NMNAT2: variants seen among roughly 807,000 people sequenced by gnomAD.
The protein encoded by NMNAT2 is nicotinamide nucleotide adenylyltransferase 2.
NMNAT2 carries 11 observed loss-of-function variants against 41.6 expected under a neutral mutation model. The observed-to-expected ratio is 0.26, with a 90% confidence interval of 0.17 to 0.44. The LOEUF is 0.44. NMNAT2 is among the 20% of genes least tolerant of loss of function. The pLI is 1.00. For synonymous variants in NMNAT2, 148 were observed against 151.2 expected (o/e 0.98, Z 0.16); for missense variants, 288 against 407.7 (o/e 0.71, Z 2.53).
intron 8 of NMNAT2, among the ~76,000 whole-genome samples, chr1:183,273,193 C>T (rs530045028): frequency 3.3e-5 from 5 of 152,264 alleles, no homozygotes; most frequent in Non-Finnish European, 5.9e-5. Flanking sequence ...CATAAAACTT[C>T]TACCACATGG....
Position 183,353,544 on chromosome 1 carries a change from C to T in NMNAT2, c.86-59751G>A, listed in dbSNP as rs118116161. Among the ~76,000 whole-genome samples the T allele has an allele frequency of 1.4e-4, 22 of 152,244 alleles. No individual in the cohort carries two copies. The East Asian group carries it at 3.7e-3, about 25-fold the overall frequency. On this transcript the variant is annotated intron_variant, in intron 1 of 10. Transcript: ENST00000287713. ...CATGCAGCAGACCAGGGGAAAGACA[C>T]ATTGTGAGGTGGTGTTTCTGGGGCC...
At chr1:183,312,551 T>C (rs1448344699) in intron 1 of NMNAT2, among the ~76,000 whole-genome samples, 1 of 136,064 alleles carries the variant, frequency 7.3e-6, no homozygotes, top group Non-Finnish European at 1.6e-5. Context: ...TATTTAATAG[T>C]AATTGCCTTA....
intron 1 of NMNAT2, among the ~76,000 whole-genome samples, chr1:183,325,856 T>G (rs1662451630): frequency 6.6e-6 from 1 of 152,070 alleles, no homozygotes; most frequent in African/African-American, 2.4e-5. Flanking sequence ...AAGTAAATAT[T>G]TATGAAGCAC....
intron 6 of NMNAT2, among the ~76,000 whole-genome samples, chr1:183,284,379 C>G (rs1222108261): frequency 6.6e-6 from 1 of 152,210 alleles, no homozygotes; most frequent in African/African-American, 2.4e-5. Context: ...ATCCTTACAA[C>G]CTAGGGAGAT....
chr1:183,301,887 A>C (rs1661864419), intron 1 of NMNAT2, among the ~76,000 whole-genome samples: 2 of 152,208 alleles, frequency 1.3e-5, no homozygotes, highest in African/African-American at 4.8e-5. Context: ...CAGCATCAAC[A>C]CTAACTCCAT....
intron 1 of NMNAT2, among the ~76,000 whole-genome samples, chr1:183,346,385 G>T (rs1054506975): frequency 6.6e-6 from 1 of 152,106 alleles, no homozygotes; most frequent in Non-Finnish European, 1.5e-5. Context: ...CACAACCTCC[G>T]TATCTCTGCT....
rs149016011 is a variant in NMNAT2, at chr1:183,327,872, G to A, written c.86-34079C>T. On this transcript the variant is annotated intron_variant, in intron 1 of 10. Transcript: ENST00000287713. ...GCTACTGCTTTCCCTCCCTGTCCTC[G>A]CTGGCCCTGTCTACTCCCTGGCTCC... Among the ~76,000 whole-genome samples, 314 of 152,126 alleles carry A rather than the reference G, an allele frequency of 2.1e-3. 1 individual carries two copies. Among genetic ancestry groups the A allele is most frequent in the African/African-American group, 6.6e-3 (274 of 41,470 alleles).
chr1:183,351,949 G>T (rs1302785436), intron 1 of NMNAT2, among the ~76,000 whole-genome samples: 1 of 152,288 alleles, frequency 6.6e-6, no homozygotes, highest in South Asian at 2.1e-4. Flanking sequence ...CATCAAGACA[G>T]TTGAAACCCA....
At chr1:183,379,113 T>C (rs1020370456) in intron 1 of NMNAT2, among the ~76,000 whole-genome samples, 4 of 148,312 alleles carry the variant, frequency 2.7e-5, no homozygotes, top group Admixed American at 2.0e-4. Flanking sequence ...TATATCTCTC[T>C]CTCTATATAG....
Position 183,336,657 on chromosome 1 carries a change from C to T in NMNAT2, c.86-42864G>A, listed in dbSNP as rs553333942. ...CACTTTGGAAAACCATGCAGTAGTT[C>T]TTTACAAAGTTAAACAAACACCAGA... On this transcript the variant is annotated intron_variant, in intron 1 of 10. Transcript: ENST00000287713. 7.2e-5 allele frequency among the ~76,000 whole-genome samples: 11 copies of T among 152,292 alleles called. No homozygotes were observed. In the South Asian group the frequency reaches 2.3e-3, roughly 32 times the overall value.
At chr1:183,365,646 G>C (rs1437533957) in intron 1 of NMNAT2, among the ~76,000 whole-genome samples, 2 of 151,968 alleles carry the variant, frequency 1.3e-5, no homozygotes, top group African/African-American at 4.8e-5. Flanking sequence ...GCTGAGGCAG[G>C]AGAATCACTT....
intron 1 of NMNAT2, among the ~76,000 whole-genome samples, chr1:183,363,450 T>C (rs1024636350): frequency 6.6e-6 from 1 of 152,158 alleles, no homozygotes; most frequent in Non-Finnish European, 1.5e-5. Context: ...TAGACATGTT[T>C]TCCCTTAGGA....
At chr1:183,373,757 A>C (rs1663607893) in intron 1 of NMNAT2, among the ~76,000 whole-genome samples, 1 of 151,800 alleles carries the variant, frequency 6.6e-6, no homozygotes, top group Non-Finnish European at 1.5e-5. Flanking sequence ...AGCTGGGACT[A>C]CAGGCACACG....
chr1:183,365,845 G>A (rs546623341), intron 1 of NMNAT2, among the ~76,000 whole-genome samples: 42 of 152,258 alleles, frequency 2.8e-4, no homozygotes, highest in African/African-American at 9.6e-4. Context: ...CACTTGTCAC[G>A]ATGTTTTTGT....
At chr1:183,312,428 T>C (rs1476747409) in intron 1 of NMNAT2, among the ~76,000 whole-genome samples, 2 of 152,136 alleles carry the variant, frequency 1.3e-5, no homozygotes, top group African/African-American at 4.8e-5. Context: ...GCTGCAGGAA[T>C]AGTACAAAGA....
chr1:183,387,120 T>G (rs148597979), intron 1 of NMNAT2, among the ~76,000 whole-genome samples: 1 of 151,130 alleles, frequency 6.6e-6, no homozygotes, highest in African/African-American at 2.4e-5. Context: ...ATTTATAAAT[T>G]AATAATATAT....
intron 1 of NMNAT2, among the ~76,000 whole-genome samples, chr1:183,400,679 G>A (rs1210226228): frequency 2.0e-5 from 3 of 152,158 alleles, no homozygotes; most frequent in Non-Finnish European, 4.4e-5. Flanking sequence ...CAAGGCTACA[G>A]TAACCGAAAC....
At chr1:183,272,612 T>A (rs906012577) in intron 8 of NMNAT2, among the ~76,000 whole-genome samples, 1 of 152,180 alleles carries the variant, frequency 6.6e-6, no homozygotes, top group Non-Finnish European at 1.5e-5. Flanking sequence ...ATAATTAGAT[T>A]TCTGGATGGA....
intron 1 of NMNAT2, among the ~76,000 whole-genome samples, chr1:183,387,032 GT>G (rs1197115792): frequency 6.6e-6 from 1 of 151,842 alleles, no homozygotes; most frequent in Non-Finnish European, 1.5e-5. Context: ...CCTGTGATTA[GT>G]TTGAAGAAAT....
Sources: gnomAD v4.1 joint callset for allele counts (sites outside exome capture counted in the v4.1 genomes callset) on GRCh38, gnomAD v4.1.1 for gene constraint, MANE v1.5 for transcripts, NCBI Gene and HGNC (gene_info 2026-07-23, HGNC 2026-07-21) for gene names.